Variants in LOC400499 observed in about 807,000 individuals in gnomAD.
At chr16:11,413,563 G>A in the LOC400499 span, among the ~76,000 whole-genome samples, 6 of 152,292 alleles carry the variant, frequency 3.9e-5, no homozygotes, top group East Asian at 1.9e-4. Flanking sequence ...CCTCTTCACC[G>A]AGGCAGGAGG....
At chr16:11,461,872 T>G in the LOC400499 span, among the ~76,000 whole-genome samples, 2 of 152,306 alleles carry the variant, frequency 1.3e-5, no homozygotes, top group Admixed American at 6.5e-5. Flanking sequence ...TAGGTCAAAA[T>G]GTTACAAGTG....
the LOC400499 span, chr16:11,401,243 G>A: frequency 2.5e-6 from 1 of 399,208 alleles, no homozygotes; most frequent in Non-Finnish European, 4.4e-6. Flanking sequence ...CCGGCCAAGG[G>A]CGCCTGGGAC....
the LOC400499 span, chr16:11,392,741 G>GT: frequency 1.7e-3 from 1,655 of 947,990 alleles, 7 homozygotes; most frequent in African/African-American, 0.014. Flanking sequence ...GTTTCCTGAG[G>GT]TTTTTTTTTG....
chr16:11,383,632 G>C, the LOC400499 span: 2 of 1,232,280 alleles, frequency 1.6e-6, no homozygotes, highest in Non-Finnish European at 2.0e-6. Flanking sequence ...AGATGGCTGG[G>C]GCAGCTTACC....
chr16:11,466,081 T>A, the LOC400499 span, among the ~76,000 whole-genome samples: 1 of 152,188 alleles, frequency 6.6e-6, no homozygotes, highest in Non-Finnish European at 1.5e-5. Context: ...ATAAATTCCA[T>A]TCCACGGACT....
At chr16:11,392,878 G>C in the LOC400499 span, 1 of 866,582 alleles carries the variant, frequency 1.2e-6, no homozygotes. Context: ...TTTTGAGACA[G>C]AGTCTCGCTC....
At chr16:11,486,707 A>T in the LOC400499 span, among the ~76,000 whole-genome samples, 35 of 88,790 alleles carry the variant, frequency 3.9e-4, no homozygotes, top group Middle Eastern at 7.9e-3. Context: ...GGTGGGTGGT[A>T]GGATGAATAG....
At chr16:11,381,181 A>ACTAC in the LOC400499 span, 44 of 152,198 alleles carry the variant, frequency 2.9e-4, no homozygotes, top group African/African-American at 1.1e-3. Context: ...GGTGTGTGGC[A>ACTAC]CTACCTTGTT....
chr16:11,438,389 A>G, the LOC400499 span, among the ~76,000 whole-genome samples: 1 of 152,162 alleles, frequency 6.6e-6, no homozygotes. Flanking sequence ...TCTAAGAATA[A>G]GCAGTTCCCT....
the LOC400499 span, among the ~76,000 whole-genome samples, chr16:11,429,436 G>GGGAAA: frequency 2.2e-3 from 338 of 152,240 alleles, 3 homozygotes; most frequent in African/African-American, 8.1e-3. Context: ...GGGAAGGGAA[G>GGGAAA]GGCAAAGGGA....
chr16:11,472,856 G>A, the LOC400499 span: 1 of 152,150 alleles, frequency 6.6e-6, no homozygotes, highest in Non-Finnish European at 1.5e-5. Flanking sequence ...AGCTGGATAT[G>A]GTCGCTCACA....
chr16:11,450,788 C>T, the LOC400499 span: 1 of 1,535,888 alleles, frequency 6.5e-7, no homozygotes, highest in Non-Finnish European at 8.7e-7. Context: ...GCTGCAGAGA[C>T]CATCAGCCAT....
At chr16:11,417,735 A>G in the LOC400499 span, 2 of 399,180 alleles carry the variant, frequency 5.0e-6, no homozygotes, top group Non-Finnish European at 8.8e-6. Context: ...CCAGGTGCCC[A>G]TCATGGTAAT....
the LOC400499 span, among the ~76,000 whole-genome samples, chr16:11,483,165 T>C: frequency 4.6e-5 from 7 of 152,156 alleles, no homozygotes; most frequent in African/African-American, 1.7e-4. Context: ...ATATCGAGTG[T>C]TGGTGAGGAT....
chr16:11,460,725 G>A, the LOC400499 span: 8 of 1,390,668 alleles, frequency 5.8e-6, no homozygotes, highest in Admixed American at 5.5e-5. Context: ...CCCATGCTTT[G>A]CTCCACCTGT....
chr16:11,494,348 T>TGGGGGGCAGTGGTGTGG, the LOC400499 span, among the ~76,000 whole-genome samples: 2 of 78,380 alleles, frequency 2.6e-5, no homozygotes, highest in African/African-American at 5.0e-5. Context: ...TCAGTGGTGT[T>TGGGGGGCAGTGGTGTGG]GGGGGGCAGT....
the LOC400499 span, among the ~76,000 whole-genome samples, chr16:11,380,548 G>C: frequency 6.6e-6 from 1 of 152,096 alleles, no homozygotes; most frequent in Non-Finnish European, 1.5e-5. Flanking sequence ...AGAATAATAA[G>C]TGTCTTAATT....
chr16:11,463,499 GATGT>G, the LOC400499 span, among the ~76,000 whole-genome samples: 10 of 150,806 alleles, frequency 6.6e-5, no homozygotes, highest in South Asian at 2.1e-4. Flanking sequence ...GGTGCATACA[GATGT>G]ATGAATGTGT....
chr16:11,456,547 G>A, the LOC400499 span, among the ~76,000 whole-genome samples: 7 of 152,152 alleles, frequency 4.6e-5, no homozygotes, highest in South Asian at 2.1e-4. Flanking sequence ...AAGAAGTTAC[G>A]ATGTAATTAT....
Sources: allele counts gnomAD v4.1 joint callset (sites outside exome capture counted in the v4.1 genomes callset), GRCh38; gene constraint gnomAD v4.1.1; transcripts MANE v1.5.